The following ZNF385D variants were observed in gnomAD, a reference collection of about 807,000 sequenced individuals.
ZNF385D encodes zinc finger protein 385D, also known as zinc finger protein 659.
A neutral mutation model predicts 35.8 loss-of-function variants in ZNF385D; 15 were observed. The observed-to-expected ratio is 0.42, with a 90% CI of 0.28 to 0.64. ZNF385D has a LOEUF of 0.64. Among genes scored for constraint, ZNF385D ranks in the 30% least tolerant of loss-of-function variants. The probability of loss-of-function intolerance (pLI) is 0.23; values close to 1 mark genes in which losing one functional copy is unlikely to be tolerated. For missense variants in ZNF385D, 474 were observed against 494.6 expected, an observed-to-expected ratio of 0.96 and a Z score of 0.39; for synonymous variants, 212 against 186.8, an observed-to-expected ratio of 1.13 and a Z score of -1.10.
At chr3:21,571,874 C>T (rs2063345277) in intron 2 of ZNF385D, among the ~76,000 whole-genome samples, 1 of 152,126 alleles carries the variant, frequency 6.6e-6, no homozygotes, top group East Asian at 1.9e-4. Context: ...TCAGAGCTTC[C>T]ACGTCTTCTC....
chr3:21,728,042 A>T (rs187513860), intron 1 of ZNF385D, among the ~76,000 whole-genome samples: 1 of 152,200 alleles, frequency 6.6e-6, no homozygotes, highest in Admixed American at 6.5e-5. Context: ...AGGAACAGAA[A>T]ACCAAACACC....
chr3:21,948,675 T>G lies in ZNF385D; in HGVS notation c.325+220142A>C, dbSNP rs185636910. ...TTAGATTCTGCTATAATCCATACAC[T>G]TGCCTTCTCTGTTTTCCAATTGCAT... On this transcript the variant is annotated intron_variant, in intron 3 of 5. Transcript: ENST00000494108. Among the ~76,000 whole-genome samples, 211 of 139,500 alleles carry G rather than the reference T, an allele frequency of 1.5e-3. 2 individuals carry two copies. The highest frequency in any genetic ancestry group is 3.8e-3 in the Middle Eastern group (1 of 262). 91.5% of individuals were successfully genotyped at this position (139,500 alleles called of 152,430 possible). A position where few individuals can be genotyped will look rare whatever the true frequency, so the allele number is the denominator to read the frequency against.
intron 3 of ZNF385D, among the ~76,000 whole-genome samples, chr3:21,807,302 C>A (rs978973918): frequency 6.6e-6 from 1 of 152,088 alleles, no homozygotes; most frequent in African/African-American, 2.4e-5. Flanking sequence ...TGCTATTTTT[C>A]AAGTGTTTTA....
chr3:22,185,065 T>G (rs1174614720), intron 2 of ZNF385D, among the ~76,000 whole-genome samples: 1 of 152,206 alleles, frequency 6.6e-6, no homozygotes, highest in Non-Finnish European at 1.5e-5. Context: ...CATTGGATAT[T>G]GTTATTTACT....
chr3:22,016,961 C>A (rs1477908518), intron 3 of ZNF385D, among the ~76,000 whole-genome samples: 14 of 150,980 alleles, frequency 9.3e-5, no homozygotes, highest in Non-Finnish European at 5.9e-5. Context: ...CACACAAACA[C>A]ACACACACAC....
rs1052115076 is a variant in ZNF385D at position 22,019,628 on chromosome 3, T to C, written c.325+149189A>G. ...TATTTTCATTGCAATAATCAAAGAT[T>C]TCTTAGGTGTCTAATACCAACATGT... is the stretch of plus-strand genomic sequence containing the variant. On this transcript the variant is annotated intron_variant, in intron 3 of 5. Coordinates refer to the ZNF385D transcript ENST00000494108. 7.9e-5 allele frequency among the ~76,000 whole-genome samples: 12 copies of C among 151,968 alleles called. No homozygotes were observed. The East Asian group carries it at 1.7e-3, about 22-fold the overall frequency.
At chr3:21,612,525 C>G (rs9871863) in intron 2 of ZNF385D, among the ~76,000 whole-genome samples, 90,921 of 152,092 alleles carry the variant, frequency 0.6, 28,205 homozygotes, top group African/African-American at 0.76. Context: ...ATATATTTAA[C>G]TATGTATACT....
chr3:22,312,604 A>T lies in ZNF385D; in HGVS notation c.106+59846T>A, dbSNP rs1393716861. ...AAAAGTGGGTGAAGGATATGAACAG[A>T]CACTTCTCAAAAGAAGACATTTACG... On this transcript the variant is annotated intron_variant, in intron 2 of 5. Transcript: ENST00000494108. Among the ~76,000 whole-genome samples the T allele has an allele frequency of 2.0e-5, 3 of 152,174 alleles. No homozygotes were observed. The South Asian group carries it at 6.2e-4, about 32-fold the overall frequency.
intron 3 of ZNF385D, among the ~76,000 whole-genome samples, chr3:21,925,624 T>G (rs541177475): frequency 1.3e-5 from 2 of 152,126 alleles, no homozygotes; most frequent in Non-Finnish European, 2.9e-5. Context: ...AAAAGATAAA[T>G]TGGACTTCAT....
chr3:21,624,116 A>G (rs546916735), intron 2 of ZNF385D, among the ~76,000 whole-genome samples: 4 of 152,246 alleles, frequency 2.6e-5, no homozygotes, highest in South Asian at 2.1e-4. Context: ...CCCATTTCAT[A>G]TGCAACCAAT....
In ZNF385D at chr3:21,499,083, A is replaced by C. The variant is rs534946589; in HGVS notation, c.439+11778T>G. Among the ~76,000 whole-genome samples, 24 of 152,242 alleles carry C rather than the reference A, an allele frequency of 1.6e-4. No individual in the cohort carries two copies. The South Asian group carries it at 5.0e-3, about 32-fold the overall frequency. On this transcript the variant is annotated intron_variant, in intron 4 of 7. Coordinates refer to ENST00000281523, the MANE Select transcript of ZNF385D (RefSeq NM_024697.3). ...AAAGCAGTCTGGTGATTCCTTAAAT[A>C]ATGTAAAACATAATTACAATTAGAC...
At chr3:21,466,189 T>C (rs1465032117) in intron 4 of ZNF385D, among the ~76,000 whole-genome samples, 2 of 152,142 alleles carry the variant, frequency 1.3e-5, no homozygotes, top group Admixed American at 6.5e-5. Context: ...CCTTATAATA[T>C]GTTCATTTTC....
intron 3 of ZNF385D, among the ~76,000 whole-genome samples, chr3:22,147,437 A>C (rs1178288127): frequency 1.3e-5 from 2 of 152,134 alleles, no homozygotes; most frequent in Admixed American, 6.6e-5. Context: ...CTTTTGCTGT[A>C]TTAACTGGGA....
At chr3:21,719,438 G>A (rs1575526228) in intron 1 of ZNF385D, among the ~76,000 whole-genome samples, 1 of 152,208 alleles carries the variant, frequency 6.6e-6, no homozygotes, top group South Asian at 2.1e-4. Context: ...CTGTAATTGA[G>A]CTCACTCAAG....
intron 3 of ZNF385D, among the ~76,000 whole-genome samples, chr3:21,814,905 T>A (rs140164026): frequency 0.24 from 36,818 of 152,054 alleles, 4,675 homozygotes; most frequent in Middle Eastern, 0.31. Flanking sequence ...ACATCACACT[T>A]ATTCCAAAAC....
At chr3:21,982,950 A>G (rs1005229292) in intron 3 of ZNF385D, among the ~76,000 whole-genome samples, 1 of 152,008 alleles carries the variant, frequency 6.6e-6, no homozygotes, top group African/African-American at 2.4e-5. Flanking sequence ...CTACTTGATC[A>G]TAGCGGATTA....
chr3:21,451,723 A>G (rs184561161), intron 4 of ZNF385D, among the ~76,000 whole-genome samples: 9 of 152,118 alleles, frequency 5.9e-5, no homozygotes, highest in Non-Finnish European at 1.2e-4. Flanking sequence ...TAATCTTCAA[A>G]TAAATTTTGT....
rs530332531 is a variant in ZNF385D at position 21,959,270 on chromosome 3, T to G, written c.325+209547A>C. On this transcript the variant is annotated intron_variant, in intron 3 of 5. Coordinates refer to the ZNF385D transcript ENST00000494108. ...CCTACAACAGATAAGAAAAACACAC[T>G]TCAAATAATAAGGCAAAATGCACTG... Among the ~76,000 whole-genome samples the G allele has an allele frequency of 5.0e-4, 76 of 152,238 alleles. No homozygotes were observed. In the South Asian group the frequency reaches 0.014, roughly 28 times the overall value.
intron 2 of ZNF385D, among the ~76,000 whole-genome samples, chr3:22,181,315 C>T (rs978489387): frequency 6.6e-6 from 1 of 151,974 alleles, no homozygotes; most frequent in African/African-American, 2.4e-5. Flanking sequence ...TAGGATGGCC[C>T]CTCTAATTTC....
Sources: allele counts gnomAD v4.1 joint callset (sites outside exome capture counted in the v4.1 genomes callset), GRCh38; gene constraint gnomAD v4.1.1; transcripts MANE v1.5; gene names NCBI Gene and HGNC (gene_info 2026-07-23, HGNC 2026-07-21).